The following KTN1 variants were observed in gnomAD, a reference collection of about 807,000 sequenced individuals.
The protein encoded by KTN1 is kinectin.
A neutral mutation model predicts 222.5 loss-of-function variants in KTN1; 130 were observed. The ratio of observed to expected loss-of-function variants is 0.58; its 90% CI spans 0.51 to 0.68. The LOEUF (loss-of-function observed/expected upper bound fraction) is 0.68, where lower values mean the gene tolerates loss of function less well. KTN1 is among the 30% of genes least tolerant of loss of function. The pLI is 0.00. For missense variants in KTN1, 1,508 were observed against 1,500.4 expected, an observed-to-expected ratio of 1.01 and a Z score of -0.08; for synonymous variants, 512 against 496.3, an observed-to-expected ratio of 1.03 and a Z score of -0.42.
intron 43 of KTN1, chr14:55,683,325 A>G (rs2046527154): frequency 6.6e-6 from 1 of 151,920 alleles, no homozygotes; most frequent in African/African-American, 2.4e-5. Context: ...ACACCCGTAA[A>G]CCCTCCACCT....
rs2046069164 is a variant in KTN1 at position 55,678,430 on chromosome 14, G to A, written c.3934G>A (p.Val1312Ile). 1.9e-6 allele frequency: 3 copies of A among 1,603,476 alleles called. No homozygotes were observed. The highest frequency in any genetic ancestry group is 4.5e-5 in the East Asian group (2 of 44,800). ...CACTACTGTTATTGAAAATAGTGAT[G>A]TTTCCCCAGAAACGGTATGTATTTT... is the stretch of plus-strand genomic sequence containing the variant. Reference protein sequence around the residue: ...GDTTVIENSDVSPETESSEKE... With the variant: ...GDTTVIENSDISPETESSEKE... Residue 1312 changes from valine (V) to isoleucine (I), a missense_variant, in exon 42 of 44, where the codon GTT becomes ATT. Val to Ile is a conservative substitution (Grantham distance 29). Transcript: ENST00000395314.
intron 12 of KTN1, among the ~76,000 whole-genome samples, chr14:55,638,357 A>C (rs968586691): frequency 1.7e-4 from 26 of 151,216 alleles, no homozygotes; most frequent in African/African-American, 6.4e-4. Flanking sequence ...TGTGACATAC[A>C]TGTCTTTATA....
At chr14:55,656,684 C>T (rs2043513745) in intron 29 of KTN1, among the ~76,000 whole-genome samples, 1 of 152,126 alleles carries the variant, frequency 6.6e-6, no homozygotes, top group African/African-American at 2.4e-5. Context: ...CCAGACTGGT[C>T]TCGAACTCCT....
Position 55,617,960 on chromosome 14 carries a change from G to A in KTN1, c.662-4G>A. 1.3e-6 allele frequency: 2 copies of A among 1,553,306 alleles called. No individual in the cohort carries two copies. Among genetic ancestry groups the A allele is most frequent in the South Asian group, 1.2e-5 (1 of 80,858 alleles). On this transcript the variant is annotated splice_region_variant and splice_polypyrimidine_tract_variant and intron_variant, in intron 3 of 43. Coordinates refer to ENST00000395314, the MANE Select transcript of KTN1 (RefSeq NM_001079521.2). The stretch of plus-strand genomic sequence containing the variant: ...ATTATGATTTTGTTGAACTTAAATT[G>A]CAGTCTTCGTAGATGAACCCCTTAT...
intron 13 of KTN1, 47 bp downstream of exon 13, chr14:55,639,269 C>CAAGTATCAGTTAGTGG: frequency 7.5e-7 from 1 of 1,336,818 alleles, no homozygotes; most frequent in Non-Finnish European, 1.1e-6. Context: ...TCACCACTAA[C>CAAGTATCAGTTAGTGG]TGATACTTGT....
At chr14:55,670,583 C>T (rs1328018562) in intron 34 of KTN1, 146 bp from the exon 35 acceptor site, 3 of 536,658 alleles carry the variant, frequency 5.6e-6, no homozygotes, top group Non-Finnish European at 9.7e-6. Flanking sequence ...AGTTACATTC[C>T]TCTTTGAAAT....
intron 1 of KTN1, chr14:55,607,445 T>G (rs2036897621): frequency 6.6e-6 from 1 of 151,892 alleles, no homozygotes; most frequent in Non-Finnish European, 1.5e-5. Flanking sequence ...AACCTGGAGA[T>G]TATATGTAAA....
intron 18 of KTN1, 68 bp from the exon 19 acceptor site, chr14:55,646,905 T>C: frequency 1.0e-6 from 1 of 977,896 alleles, no homozygotes. Context: ...CAAAATTACA[T>C]TTCTCATCTG....
intron 19 of KTN1, among the ~76,000 whole-genome samples, chr14:55,647,629 G>A (rs1179648766): frequency 1.3e-5 from 1 of 74,112 alleles, no homozygotes; most frequent in African/African-American, 6.0e-5. Context: ...GTGAAACTCT[G>A]CCTCAAAAAA....
chr14:55,608,939 C>T (rs1013162143), intron 1 of KTN1, among the ~76,000 whole-genome samples: 2 of 151,666 alleles, frequency 1.3e-5, no homozygotes, highest in African/African-American at 4.8e-5. Flanking sequence ...CTGTGAACAT[C>T]TTTCTATATG....
At chr14:55,598,567 A>C (rs2035460883) in intron 1 of KTN1, among the ~76,000 whole-genome samples, 1 of 152,006 alleles carries the variant, frequency 6.6e-6, no homozygotes, top group South Asian at 2.1e-4. Context: ...AATTTTTACT[A>C]ATTATTTACT....
At chr14:55,652,051 C>T in intron 25 of KTN1, 124 bp downstream of exon 25, 4 of 635,212 alleles carry the variant, frequency 6.3e-6, no homozygotes, top group Non-Finnish European at 1.1e-5. Context: ...TACTGATTAT[C>T]TCAAAACTCC....
At chr14:55,647,030 A>G in intron 19 of KTN1, 23 bp downstream of exon 19, 6 of 1,383,544 alleles carry the variant, frequency 4.3e-6, no homozygotes, top group Non-Finnish European at 5.1e-6. Flanking sequence ...TTTTCTTTTT[A>G]TATTTTGATG....
chr14:55,582,970 C>G (rs2032074522), intron 1 of KTN1, among the ~76,000 whole-genome samples: 1 of 152,174 alleles, frequency 6.6e-6, no homozygotes, highest in Non-Finnish European at 1.5e-5. Flanking sequence ...AAGAGAATTG[C>G]ATTTCATTGC....
At chr14:55,659,586 T>C (rs866799420) in intron 30 of KTN1, 80 bp from the exon 31 acceptor site, 2 of 875,264 alleles carry the variant, frequency 2.3e-6, no homozygotes, top group Middle Eastern at 4.5e-4. Context: ...GTTTTCTTAA[T>C]TTATATTTGA....
At chr14:55,587,145 C>G (rs28481586) in intron 1 of KTN1, among the ~76,000 whole-genome samples, 12,848 of 152,156 alleles carry the variant, frequency 0.084, 588 homozygotes, top group South Asian at 0.12. Flanking sequence ...TGACACCTAG[C>G]TAGTGCTCAA....
Position 55,634,581 on chromosome 14 carries a change from C to A in KTN1, c.1384C>A (p.Leu462Met). ...GGATTATGCTAGGTTGGTGAATGAG[C>A]TGACTGAGAAAACAGGAAAGCTACA... Reference protein sequence around the residue: ...RQDYARLVNELTEKTGKLQQE... With the variant: ...RQDYARLVNEMTEKTGKLQQE... The change falls in exon 9 of 44, where the codon CTG becomes ATG. Residue 462 changes from leucine to methionine, a missense_variant. Leu to Met is a conservative substitution (Grantham distance 15). Coordinates refer to ENST00000395314, the MANE Select transcript of KTN1 (RefSeq NM_001079521.2). 6.2e-7 allele frequency: 1 copy of A among 1,613,678 alleles called. No individual in the cohort carries two copies. Among genetic ancestry groups the A allele is most frequent in the Non-Finnish European group, 8.5e-7 (1 of 1,179,738 alleles).
intron 35 of KTN1, 100 bp downstream of exon 35, chr14:55,670,909 T>G (rs576475097): frequency 1.4e-6 from 1 of 721,340 alleles, no homozygotes; most frequent in East Asian, 2.9e-5. Context: ...GATAATCGAA[T>G]AAGGCTCTTT....
At chr14:55,626,198 ATATCT>A (rs1174589127) in intron 5 of KTN1, among the ~76,000 whole-genome samples, 3 of 150,682 alleles carry the variant, frequency 2.0e-5, no homozygotes, top group Admixed American at 2.0e-4. Flanking sequence ...TTGTCTTTTC[ATATCT>A]TTAACAAAAA....
Sources: gnomAD v4.1 joint callset for allele counts (sites outside exome capture counted in the v4.1 genomes callset) on GRCh38, gnomAD v4.1.1 for gene constraint, MANE v1.5 for transcripts, NCBI Gene and HGNC (gene_info 2026-07-23, HGNC 2026-07-21) for gene names.